Variants in MAP4K3 observed in about 807,000 individuals in gnomAD.
MAP4K3 encodes the protein MAPK/ERK kinase kinase kinase 3.
A neutral mutation model predicts 143.5 loss-of-function variants in MAP4K3; 94 were observed. The observed-to-expected ratio is 0.65, with a 90% CI of 0.55 to 0.78. The LOEUF is 0.78. Among genes scored for constraint, MAP4K3 ranks in the 30% least tolerant of loss-of-function variants. The probability of loss-of-function intolerance (pLI) is 0.00; values close to 1 mark genes in which losing one functional copy is unlikely to be tolerated. For synonymous variants in MAP4K3, 416 were observed against 347.2 expected, an observed-to-expected ratio of 1.20 and a Z score of -2.20; for missense variants, 1,077 against 1,068.1, an observed-to-expected ratio of 1.01 and a Z score of -0.12.
At chr2:39,315,025 C>T (rs1268231553) in intron 13 of MAP4K3, among the ~76,000 whole-genome samples, 1 of 152,172 alleles carries the variant, frequency 6.6e-6, no homozygotes, top group Non-Finnish European at 1.5e-5. Flanking sequence ...AGGTGAGTTA[C>T]ATGCACACAG....
At chr2:39,413,752 A>G (rs10170617) in intron 1 of MAP4K3, among the ~76,000 whole-genome samples, 130,496 of 151,394 alleles carry the variant, frequency 0.86, 56,702 homozygotes, top group Non-Finnish European at 0.92. Flanking sequence ...AACTACCTGT[A>G]GAGTTCTTGG....
intron 8 of MAP4K3, among the ~76,000 whole-genome samples, chr2:39,329,292 C>A (rs933436153): frequency 6.6e-6 from 1 of 152,212 alleles, no homozygotes; most frequent in African/African-American, 2.4e-5. Flanking sequence ...CAAGCCCTCA[C>A]TCTGCTCAAC....
intron 8 of MAP4K3, among the ~76,000 whole-genome samples, chr2:39,327,444 ATT>A (rs1683531802): frequency 6.6e-6 from 1 of 152,194 alleles, no homozygotes; most frequent in African/African-American, 2.4e-5. Flanking sequence ...ATAAATTTGA[ATT>A]TGACTGATTT....
chr2:39,385,551 CATATATATATATATAT>C (rs140387430), intron 1 of MAP4K3, among the ~76,000 whole-genome samples: 37,024 of 111,214 alleles, frequency 0.33, 6,252 homozygotes, highest in East Asian at 0.57. Flanking sequence ...GAGCGTTCTT[CATATATATATATATAT>C]ATATATATAT....
intron 19 of MAP4K3, among the ~76,000 whole-genome samples, chr2:39,289,337 T>C (rs1681933319): frequency 6.6e-6 from 1 of 152,160 alleles, no homozygotes; most frequent in African/African-American, 2.4e-5. Flanking sequence ...TAAATAAAAA[T>C]AGTAATAAAC....
intron 1 of MAP4K3, among the ~76,000 whole-genome samples, chr2:39,408,368 G>A (rs1184980257): frequency 6.6e-6 from 1 of 152,044 alleles, no homozygotes; most frequent in Non-Finnish European, 1.5e-5. Flanking sequence ...AGATCAGGGG[G>A]TCATAAGGAC....
chr2:39,428,668 G>A (rs1470273502), intron 1 of MAP4K3, among the ~76,000 whole-genome samples: 1 of 150,830 alleles, frequency 6.6e-6, no homozygotes, highest in African/African-American at 2.5e-5. Context: ...AAGAGAAAGA[G>A]CAAAACTCTG....
intron 26 of MAP4K3, among the ~76,000 whole-genome samples, chr2:39,267,816 A>C (rs1378233634): frequency 6.6e-6 from 1 of 152,240 alleles, no homozygotes; most frequent in Admixed American, 6.5e-5. Flanking sequence ...GATTTAAGAA[A>C]TACAAAAACA....
chr2:39,399,547 C>T (rs770315888), intron 1 of MAP4K3, among the ~76,000 whole-genome samples: 2 of 152,280 alleles, frequency 1.3e-5, no homozygotes, highest in African/African-American at 2.4e-5. Flanking sequence ...CAAAAGTCTA[C>T]ATGTAGCACC....
At chr2:39,274,298 G>C (rs188677551) in intron 24 of MAP4K3, among the ~76,000 whole-genome samples, 1 of 150,882 alleles carries the variant, frequency 6.6e-6, no homozygotes, top group Admixed American at 6.6e-5. Flanking sequence ...CTCACTGCAA[G>C]CTCCGCCTCC....
chr2:39,257,796 CAAAAA>C (rs1285158564), intron 31 of MAP4K3, among the ~76,000 whole-genome samples: 19 of 59,672 alleles, frequency 3.2e-4, no homozygotes, highest in South Asian at 7.0e-4. Flanking sequence ...CACTCCATCT[CAAAAA>C]AAAAAAAAAA....
rs759030697 is a variant in MAP4K3 at position 39,286,817 on chromosome 2, AAATACAAGT to A, written c.1587+26_1587+34del. 2.2e-5 allele frequency: 30 copies of A among 1,391,846 alleles called. 1 individual carries two copies. The highest frequency in any genetic ancestry group is 2.3e-4 in the Middle Eastern group (1 of 4,284). 86.2% of individuals were successfully genotyped at this position (1,391,846 alleles called of 1,614,324 possible). ...CTAACTTAACAGTTAAAAAGGAAAC[AAATACAAGT>A]AGAACTTATGACTATCAATACCTAC... On this transcript the variant is annotated intron_variant, in intron 21 of 33. Transcript: ENST00000263881.
At chr2:39,356,203 G>C (rs374172408) in intron 3 of MAP4K3, 46 bp downstream of exon 3, 21 of 1,102,418 alleles carry the variant, frequency 1.9e-5, no homozygotes, top group Non-Finnish European at 2.8e-5. Context: ...AATGCATTAG[G>C]TGATGAAATC....
intron 22 of MAP4K3, among the ~76,000 whole-genome samples, chr2:39,281,769 T>A (rs1681539710): frequency 6.6e-6 from 1 of 150,914 alleles, no homozygotes; most frequent in Non-Finnish European, 1.5e-5. Context: ...GTATACTGTA[T>A]AAATCAATAT....
At chr2:39,393,106 T>A (rs917726099) in intron 1 of MAP4K3, among the ~76,000 whole-genome samples, 1 of 152,238 alleles carries the variant, frequency 6.6e-6, no homozygotes, top group Admixed American at 6.5e-5. Context: ...TATTTCTTAC[T>A]GACTGTGTGT....
At chr2:39,275,016 A>G (rs751451286) in intron 24 of MAP4K3, among the ~76,000 whole-genome samples, 2 of 152,238 alleles carry the variant, frequency 1.3e-5, no homozygotes, top group African/African-American at 2.4e-5. Context: ...TGAAAAATTC[A>G]GGCTCCACAT....
intron 6 of MAP4K3, among the ~76,000 whole-genome samples, chr2:39,336,701 T>A (rs1664978743): frequency 6.6e-6 from 1 of 152,020 alleles, no homozygotes; most frequent in South Asian, 2.1e-4. Flanking sequence ...AAAACATTAA[T>A]CTACTGAATG....
intron 12 of MAP4K3, among the ~76,000 whole-genome samples, chr2:39,316,046 C>A (rs184839112): frequency 1.3e-5 from 2 of 151,868 alleles, no homozygotes; most frequent in East Asian, 3.9e-4. Flanking sequence ...TTTTCAGAAG[C>A]TTTATTTTTT....
chr2:39,277,949 C>G (rs1681341352), intron 24 of MAP4K3, among the ~76,000 whole-genome samples: 2 of 151,878 alleles, frequency 1.3e-5, no homozygotes, highest in South Asian at 4.2e-4. Context: ...GAGTTCCAGA[C>G]CAGCATGGGC....
Sources: gnomAD v4.1 joint callset for allele counts (sites outside exome capture counted in the v4.1 genomes callset) on GRCh38, gnomAD v4.1.1 for gene constraint, MANE v1.5 for transcripts, NCBI Gene and HGNC (gene_info 2026-07-23, HGNC 2026-07-21) for gene names.